Variants in NRG3 observed in about 807,000 individuals in gnomAD.
NRG3 encodes neuregulin 3, also known as pro-neuregulin-3, membrane-bound isoform.
In NRG3, 31 loss-of-function variants were observed where a neutral mutation model predicts 66.9. That is an observed-to-expected ratio of 0.46 (90% CI 0.35 to 0.63). The LOEUF (loss-of-function observed/expected upper bound fraction) is 0.63, where lower values mean the gene tolerates loss of function less well. Ranked by LOEUF, NRG3 falls within the 20% of genes least tolerant of loss-of-function variation. The pLI, the probability that NRG3 is intolerant of heterozygous loss-of-function variation, is 0.00. For synonymous variants in NRG3, 393 were observed against 359.4 expected (o/e 1.09, Z -1.06); for missense variants, 910 against 878.9 (o/e 1.04, Z -0.45).
intron 1 of NRG3, among the ~76,000 whole-genome samples, chr10:82,147,458 T>G (rs2070340836): frequency 6.6e-6 from 1 of 152,216 alleles, no homozygotes; most frequent in Non-Finnish European, 1.5e-5. Flanking sequence ...AAAATAGATT[T>G]GTTGAGAATA....
At chr10:82,637,087 A>G (rs950060787) in intron 2 of NRG3, among the ~76,000 whole-genome samples, 1 of 152,192 alleles carries the variant, frequency 6.6e-6, no homozygotes, top group Non-Finnish European at 1.5e-5. Flanking sequence ...GGAAAAATAG[A>G]TAACTATGTG....
At chr10:82,345,945 C>T (rs1243041861) in intron 1 of NRG3, among the ~76,000 whole-genome samples, 2 of 152,178 alleles carry the variant, frequency 1.3e-5, no homozygotes, top group Non-Finnish European at 2.9e-5. Context: ...AGTTGCTTAT[C>T]AGCTTAAGCA....
chr10:81,919,963 C>T (rs1846098380), intron 1 of NRG3, among the ~76,000 whole-genome samples: 1 of 152,186 alleles, frequency 6.6e-6, no homozygotes, highest in South Asian at 2.1e-4. Context: ...CTGCTAGCCA[C>T]ATCTGACAGA....
chr10:82,199,916 G>GTGTA, intron 1 of NRG3, among the ~76,000 whole-genome samples: 1 of 131,102 alleles, frequency 7.6e-6, no homozygotes, highest in East Asian at 2.1e-4. Flanking sequence ...GTGTGTGTGT[G>GTGTA]TGTTGCCAGG....
rs150142639 is a variant in NRG3, at chr10:82,977,201, A to C, written c.1413-1749A>C. On this transcript the variant is annotated intron_variant, in intron 7 of 8. Transcript: ENST00000372141. ...CATCATTGCCATTGGATGGTAGATAAAAGTAGGAAGGCAAGGAAGCAAATT... is the reference window on the plus strand; with the variant it reads ...CATCATTGCCATTGGATGGTAGATACAAGTAGGAAGGCAAGGAAGCAAATT... Among the ~76,000 whole-genome samples the C allele has an allele frequency of 4.9e-3, 740 of 152,302 alleles. 6 individuals are homozygous for C. The highest frequency in any genetic ancestry group is 0.017 in the African/African-American group (694 of 41,568).
intron 2 of NRG3, among the ~76,000 whole-genome samples, chr10:82,398,526 T>TGTGTGTGTGAGA (rs373924370): frequency 1.5e-5 from 2 of 136,518 alleles, no homozygotes; most frequent in African/African-American, 5.9e-5. Context: ...TGTGTGTGTG[T>TGTGTGTGTGAGA]GAGAGAGAGA....
chr10:81,991,315 G>A (rs923132270), intron 1 of NRG3, among the ~76,000 whole-genome samples: 1 of 152,118 alleles, frequency 6.6e-6, no homozygotes, highest in Non-Finnish European at 1.5e-5. Flanking sequence ...CATAGGATTT[G>A]AGAAAGATTA....
intron 2 of NRG3, among the ~76,000 whole-genome samples, chr10:82,567,560 A>G (rs1297105212): frequency 6.6e-6 from 1 of 151,954 alleles, no homozygotes; most frequent in African/African-American, 2.4e-5. Context: ...GTTACACTTG[A>G]CATTTGCTTT....
At chr10:82,256,302 A>T (rs901582521) in intron 1 of NRG3, among the ~76,000 whole-genome samples, 2 of 152,206 alleles carry the variant, frequency 1.3e-5, no homozygotes, top group Non-Finnish European at 2.9e-5. Context: ...CTGTGGTCTA[A>T]AAATACTCAG....
chr10:82,026,353 A>T (rs971293381), intron 1 of NRG3, among the ~76,000 whole-genome samples: 1 of 152,036 alleles, frequency 6.6e-6, no homozygotes, highest in Non-Finnish European at 1.5e-5. Context: ...ATTGTTATGG[A>T]CACTGTTTTG....
At chr10:82,268,092 C>T (rs1275480773) in intron 1 of NRG3, among the ~76,000 whole-genome samples, 6 of 152,114 alleles carry the variant, frequency 3.9e-5, no homozygotes, top group Non-Finnish European at 5.9e-5. Flanking sequence ...AAATTCTTCC[C>T]ACACGTTCTT....
At chr10:82,847,400 A>T (rs1039074) in intron 3 of NRG3, among the ~76,000 whole-genome samples, 41,724 of 151,984 alleles carry the variant, frequency 0.27, 6,290 homozygotes, top group East Asian at 0.53. Flanking sequence ...ACCAAATTAG[A>T]TATATTATCT....
At chr10:82,044,531 G>GT (rs1361678391) in intron 1 of NRG3, among the ~76,000 whole-genome samples, 3 of 151,796 alleles carry the variant, frequency 2.0e-5, no homozygotes, top group Admixed American at 2.0e-4. Context: ...GGAAATCAGT[G>GT]TTTTTCCCCC....
At chr10:82,191,808 C>G (rs923442732) in intron 1 of NRG3, among the ~76,000 whole-genome samples, 3 of 152,134 alleles carry the variant, frequency 2.0e-5, no homozygotes. Context: ...ATTCTGAGTT[C>G]TTTTATGCAA....
chr10:82,863,629 A>G (rs911590082), intron 3 of NRG3, among the ~76,000 whole-genome samples: 2 of 151,918 alleles, frequency 1.3e-5, no homozygotes, highest in African/African-American at 4.8e-5. Context: ...GCTTTTTTTC[A>G]TATGTTTTTT....
At chr10:82,243,073 T>A (rs1214411834) in intron 1 of NRG3, among the ~76,000 whole-genome samples, 1 of 152,214 alleles carries the variant, frequency 6.6e-6, no homozygotes, top group Non-Finnish European at 1.5e-5. Flanking sequence ...TAAAATTTTA[T>A]TGTGCACTGT....
intron 1 of NRG3, among the ~76,000 whole-genome samples, chr10:82,021,313 C>T (rs1167019183): frequency 6.6e-6 from 1 of 152,026 alleles, no homozygotes; most frequent in Non-Finnish European, 1.5e-5. Flanking sequence ...TACTTTTTAT[C>T]ACATACTCCT....
intron 2 of NRG3, among the ~76,000 whole-genome samples, chr10:82,381,739 G>C (rs1014336936): frequency 1.3e-5 from 2 of 152,094 alleles, no homozygotes; most frequent in African/African-American, 4.8e-5. Flanking sequence ...TTGAGAGTAA[G>C]ATGCTATAAA....
At chr10:82,913,279 T>A (rs555662771) in intron 4 of NRG3, among the ~76,000 whole-genome samples, 1 of 152,296 alleles carries the variant, frequency 6.6e-6, no homozygotes, top group East Asian at 1.9e-4. Flanking sequence ...CTTATAACAT[T>A]GCTGTCATTC....
Sources: allele counts gnomAD v4.1 joint callset (sites outside exome capture counted in the v4.1 genomes callset), GRCh38; gene constraint gnomAD v4.1.1; transcripts MANE v1.5; gene names NCBI Gene and HGNC (gene_info 2026-07-23, HGNC 2026-07-21).